Variants in YAP1 observed in about 807,000 individuals in gnomAD.
The protein encoded by YAP1 is transcriptional coactivator YAP1.
YAP1 carries 5 observed loss-of-function variants against 56.9 expected under a neutral mutation model. The observed-to-expected ratio is 0.09, with a 90% CI of 0.05 to 0.18. The LOEUF (loss-of-function observed/expected upper bound fraction) is 0.18. Among genes scored for constraint, YAP1 ranks in the 10% least tolerant of loss-of-function variants. The probability of loss-of-function intolerance (pLI) is 1.00; values close to 1 mark genes in which losing one functional copy is unlikely to be tolerated. For synonymous variants in YAP1, 265 were observed against 248.1 expected (o/e 1.07, Z -0.64); for missense variants, 539 against 651.8 (o/e 0.83, Z 1.88).
At chr11:102,185,670 C>G (rs544743398) in intron 3 of YAP1, among the ~76,000 whole-genome samples, 4 of 152,248 alleles carry the variant, frequency 2.6e-5, no homozygotes, top group African/African-American at 9.6e-5. Flanking sequence ...TGTCACAAAA[C>G]TGATTGGATT....
chr11:102,118,855 A>G (rs1473602436), intron 2 of YAP1, among the ~76,000 whole-genome samples: 1 of 152,044 alleles, frequency 6.6e-6, no homozygotes, highest in African/African-American at 2.4e-5. Context: ...TATCTTCATA[A>G]TAAAGATTAT....
At chr11:102,151,774 T>C (rs1289189713) in intron 2 of YAP1, among the ~76,000 whole-genome samples, 2 of 152,120 alleles carry the variant, frequency 1.3e-5, no homozygotes, top group South Asian at 2.1e-4. Flanking sequence ...AGGGTTGGGA[T>C]TGTGGAGAGA....
intron 4 of YAP1, among the ~76,000 whole-genome samples, chr11:102,200,567 C>G (rs1312409698): frequency 6.6e-6 from 1 of 151,018 alleles, no homozygotes; most frequent in Non-Finnish European, 1.5e-5. Flanking sequence ...GCCTCAGCCT[C>G]TGGAGTAGCT....
Position 102,157,886 on chromosome 11 carries a change from C to G in YAP1, c.573-4570C>G, listed in dbSNP as rs576922164. 2.6e-4 allele frequency among the ~76,000 whole-genome samples: 39 copies of G among 152,276 alleles called. 2 individuals carry two copies. Among genetic ancestry groups the G allele is most frequent in the Admixed American group, 2.0e-3 (31 of 15,302 alleles). Reference sequence around the variant, plus strand: ...CCCCTTACAACACAATGAAGACAGTCTTAAAGGTGTGTTAGGGGCTTAAAC... The same window carrying G: ...CCCCTTACAACACAATGAAGACAGTGTTAAAGGTGTGTTAGGGGCTTAAAC... On this transcript the variant is annotated intron_variant, in intron 2 of 8. Transcript: ENST00000282441.
intron 2 of YAP1, among the ~76,000 whole-genome samples, chr11:102,143,369 C>T (rs1003655205): frequency 5.3e-5 from 8 of 152,116 alleles, no homozygotes; most frequent in African/African-American, 1.4e-4. Context: ...TGTATCCATC[C>T]ACTTACCAAA....
intron 6 of YAP1, among the ~76,000 whole-genome samples, chr11:102,211,946 G>A (rs1433895471): frequency 1.3e-5 from 2 of 152,034 alleles, no homozygotes; most frequent in Non-Finnish European, 1.5e-5. Flanking sequence ...CTCATGATTC[G>A]CCTGCCTCGG....
At chr11:102,167,199 ATCC>A (rs1946662382) in intron 3 of YAP1, among the ~76,000 whole-genome samples, 1 of 152,220 alleles carries the variant, frequency 6.6e-6, no homozygotes, top group Admixed American at 6.5e-5. Flanking sequence ...CACTCAATAC[ATCC>A]TTGGAAGAAG....
At chr11:102,189,608 TACAGTTCTGTGCAC>T (rs1378049063) in intron 4 of YAP1, among the ~76,000 whole-genome samples, 2 of 152,156 alleles carry the variant, frequency 1.3e-5, no homozygotes, top group Non-Finnish European at 2.9e-5. Context: ...AATTCCTAAC[TACAGTTCTGTGCAC>T]AGAAATTCTA....
intron 3 of YAP1, among the ~76,000 whole-genome samples, chr11:102,165,326 C>T (rs1162241378): frequency 6.6e-6 from 1 of 152,172 alleles, no homozygotes; most frequent in Non-Finnish European, 1.5e-5. Context: ...CACCACCATA[C>T]TCCAGCCTAG....
intron 2 of YAP1, among the ~76,000 whole-genome samples, chr11:102,144,439 A>C (rs1945201415): frequency 6.6e-6 from 1 of 152,218 alleles, no homozygotes; most frequent in Non-Finnish European, 1.5e-5. Context: ...CTGTTGTATG[A>C]ATTTGTAATG....
intron 3 of YAP1, among the ~76,000 whole-genome samples, chr11:102,167,141 G>A (rs914961251): frequency 7.9e-5 from 12 of 152,130 alleles, no homozygotes; most frequent in African/African-American, 2.7e-4. Context: ...ATCTATAACT[G>A]AGAATCACCC....
intron 5 of YAP1, among the ~76,000 whole-genome samples, chr11:102,207,298 A>C (rs1333449192): frequency 4.0e-5 from 6 of 151,706 alleles, no homozygotes; most frequent in Non-Finnish European, 7.4e-5. Context: ...GTTTTTTGTT[A>C]ATTTTTCCAG....
At chr11:102,170,204 A>G (rs73582037) in intron 3 of YAP1, among the ~76,000 whole-genome samples, 1 of 152,134 alleles carries the variant, frequency 6.6e-6, no homozygotes, top group African/African-American at 2.4e-5. Context: ...AATCACTCTG[A>G]TGTTGTTTAA....
intron 2 of YAP1, among the ~76,000 whole-genome samples, chr11:102,132,472 A>G (rs1347831552): frequency 6.6e-6 from 1 of 152,250 alleles, no homozygotes; most frequent in Non-Finnish European, 1.5e-5. Context: ...TTGAAAAGCC[A>G]TTTAATGACT....
At chr11:102,214,611 G>A (rs1449593608) in intron 6 of YAP1, among the ~76,000 whole-genome samples, 1 of 152,066 alleles carries the variant, frequency 6.6e-6, no homozygotes, top group Non-Finnish European at 1.5e-5. Flanking sequence ...TCTCTTCGAA[G>A]TTCTGATATT....
intron 1 of YAP1, among the ~76,000 whole-genome samples, chr11:102,112,210 A>G (rs1029774903): frequency 6.6e-6 from 1 of 152,202 alleles, no homozygotes; most frequent in Non-Finnish European, 1.5e-5. Context: ...AATGTTTGGG[A>G]AGCGATGACT....
rs184991567 is a variant in YAP1, at chr11:102,136,381, C to T, written c.572+21987C>T. Among the ~76,000 whole-genome samples the T allele has an allele frequency of 4.0e-5, 6 of 151,626 alleles. No individual in the cohort carries two copies. In the East Asian group the frequency reaches 9.7e-4, roughly 25 times the overall value. ...TTTTTTTAAAACAGGGTCTCCGTCG[C>T]CTAGGCTGGAGTGCAGTGGCACAAT... On this transcript the variant is annotated intron_variant, in intron 2 of 8. Transcript: ENST00000282441.
intron 2 of YAP1, among the ~76,000 whole-genome samples, chr11:102,131,194 CTG>C (rs1424934852): frequency 6.6e-6 from 1 of 152,200 alleles, no homozygotes; most frequent in Non-Finnish European, 1.5e-5. Context: ...GTTTCTAAAA[CTG>C]TAGCCCAAAA....
At chr11:102,164,496 T>A (rs1946480818) in intron 3 of YAP1, among the ~76,000 whole-genome samples, 1 of 152,220 alleles carries the variant, frequency 6.6e-6, no homozygotes, top group Admixed American at 6.5e-5. Flanking sequence ...TCATGCTCCA[T>A]CTAAAAATTA....
Sources: allele counts gnomAD v4.1 joint callset (sites outside exome capture counted in the v4.1 genomes callset), GRCh38; gene constraint gnomAD v4.1.1; transcripts MANE v1.5; gene names NCBI Gene and HGNC (gene_info 2026-07-23, HGNC 2026-07-21).